RSF1: variants seen among roughly 807,000 people sequenced by gnomAD.
RSF1 encodes the protein remodeling and spacing factor 1.
RSF1 carries 13 observed loss-of-function variants against 145.2 expected under a neutral mutation model. The ratio of observed to expected loss-of-function variants is 0.09; its 90% CI spans 0.06 to 0.14. The LOEUF is 0.14. Ranked by LOEUF, RSF1 falls within the 10% of genes least tolerant of loss-of-function variation. RSF1 has a pLI of 1.00. For missense variants in RSF1, 1,517 were observed against 1,718.2 expected (o/e 0.88, Z 2.07); for synonymous variants, 577 against 592.6 (o/e 0.97, Z 0.38).
intron 1 of RSF1, among the ~76,000 whole-genome samples, chr11:77,817,858 T>C (rs185287862): frequency 1.3e-5 from 2 of 152,302 alleles, no homozygotes; most frequent in East Asian, 1.9e-4. Flanking sequence ...TATCAGCTAT[T>C]TGAAACAGGC....
rs1555004093 is a variant in RSF1 at position 77,820,697 on chromosome 11, T to TGCCGCCGCCGTCGCC, written c.3_17dup (p.Thr3_Ala7dup). 1 of 1,549,920 alleles carries TGCCGCCGCCGTCGCC rather than the reference T, an allele frequency of 6.5e-7. No homozygotes were observed. The highest frequency in any genetic ancestry group is 1.4e-5 in the African/African-American group (1 of 73,032). On this transcript the variant is annotated inframe_insertion, in exon 1 of 16. Coordinates refer to ENST00000308488, the MANE Select transcript of RSF1 (RefSeq NM_016578.4). ...CCGGAGGAGCCATCACCGCCGCCGC[T>TGCCGCCGCCGTCGCC]GCCGCCGCCGTCGCCATTTTGAACT...
Position 77,740,736 on chromosome 11 carries a change from A to T in RSF1, c.573T>A (p.Ile191=). The T allele has an allele frequency of 6.2e-7, 1 of 1,613,028 alleles. No homozygotes were observed. The highest frequency in any genetic ancestry group is 8.5e-7 in the Non-Finnish European group (1 of 1,179,006). Reference sequence around the variant, plus strand: ...AAGGTTCCAATAAAAGATACCTGACAATGCATTTCCATGAAGAGCCATCTT... The same window carrying T: ...AAGGTTCCAATAAAAGATACCTGACTATGCATTTCCATGAAGAGCCATCTT... ...DDQDGSSWKC[I]VRNRNELAET... The change falls in exon 4 of 16, where the codon ATT becomes ATA. Residue 191 remains isoleucine, a synonymous_variant. Transcript: ENST00000308488.
chr11:77,677,025 G>T (rs1410519480), intron 12 of RSF1, 26 bp from the exon 13 acceptor site: 13 of 1,571,408 alleles, frequency 8.3e-6, no homozygotes, highest in Non-Finnish European at 1.1e-5. Flanking sequence ...GGAAGTTCGG[G>T]GAGAGAAAAA....
At position 77,742,101 on chromosome 11, in the gene RSF1, G is replaced by A. The variant is rs558411240; in HGVS notation, c.373-1165C>T. On this transcript the variant is annotated intron_variant, in intron 3 of 15. Coordinates refer to ENST00000308488, the MANE Select transcript of RSF1 (RefSeq NM_016578.4). ...TGGTTATTGTGATTAATGCTGCAGT[G>A]AACACAGGAGTGCAGATACCACTTC... 8.6e-4 allele frequency among the ~76,000 whole-genome samples: 131 copies of A among 151,926 alleles called. 2 individuals are homozygous for A. The highest frequency in any genetic ancestry group is 9.4e-4 in the Non-Finnish European group (64 of 68,020).
the RSF1 span, chr11:77,841,234 C>T: frequency 1.4e-6 from 1 of 702,460 alleles, no homozygotes; most frequent in Non-Finnish European, 2.6e-6. Flanking sequence ...GGTCCCACCT[C>T]TTAATGTTGT....
At chr11:77,730,654 C>T (rs947295069) in intron 4 of RSF1, among the ~76,000 whole-genome samples, 4 of 152,174 alleles carry the variant, frequency 2.6e-5, no homozygotes, top group African/African-American at 9.7e-5. Flanking sequence ...ACAATTCCCA[C>T]GTGTTGTGGG....
intron 3 of RSF1, among the ~76,000 whole-genome samples, chr11:77,745,588 TG>T (rs1947991495): frequency 6.6e-6 from 1 of 151,870 alleles, no homozygotes; most frequent in South Asian, 2.1e-4. Context: ...AGGTTTTAGG[TG>T]AACATTATTC....
chr11:77,839,619 C>G, the RSF1 span, among the ~76,000 whole-genome samples: 1 of 152,192 alleles, frequency 6.6e-6, no homozygotes, highest in East Asian at 1.9e-4. Flanking sequence ...TACCTCTACA[C>G]CATGGTATAC....
chr11:77,764,734 A>T (rs1446248798), intron 1 of RSF1, 45 bp from the exon 2 acceptor site: 1 of 1,117,214 alleles, frequency 9.0e-7, no homozygotes, highest in East Asian at 2.4e-5. Context: ...AAAATAAAAC[A>T]ATTCTAAACA....
chr11:77,859,838 C>T, the RSF1 span, among the ~76,000 whole-genome samples: 8 of 152,166 alleles, frequency 5.3e-5, no homozygotes, highest in Non-Finnish European at 1.2e-4. Flanking sequence ...AGTGCACAGT[C>T]GCAGCACTGG....
chr11:77,679,816 C>A (rs780997756), intron 11 of RSF1, among the ~76,000 whole-genome samples: 26 of 151,952 alleles, frequency 1.7e-4, no homozygotes, highest in Non-Finnish European at 3.2e-4. Flanking sequence ...AGCTGTTTAC[C>A]TTGACTTAAA....
intron 5 of RSF1, among the ~76,000 whole-genome samples, chr11:77,708,594 T>C (rs920000035): frequency 6.6e-6 from 1 of 152,212 alleles, no homozygotes; most frequent in Non-Finnish European, 1.5e-5. Flanking sequence ...AGCTGTAGTA[T>C]TGACAACAGA....
At chr11:77,809,991 G>A (rs905984624) in intron 1 of RSF1, among the ~76,000 whole-genome samples, 4 of 152,186 alleles carry the variant, frequency 2.6e-5, no homozygotes, top group African/African-American at 9.7e-5. Context: ...CATAACACAT[G>A]CCTAAGCTTC....
chr11:77,736,314 T>C (rs2135903540), intron 4 of RSF1, among the ~76,000 whole-genome samples: 1 of 152,366 alleles, frequency 6.6e-6, no homozygotes, highest in South Asian at 2.1e-4. Context: ...CATTTATGTC[T>C]GAGTAAATTT....
chr11:77,772,562 T>C (rs968082822), intron 1 of RSF1, among the ~76,000 whole-genome samples: 2 of 152,066 alleles, frequency 1.3e-5, no homozygotes, highest in African/African-American at 4.8e-5. Context: ...CTAAAAACTA[T>C]GTTATATGTA....
the RSF1 span, among the ~76,000 whole-genome samples, chr11:77,854,012 A>G: frequency 1.5e-4 from 21 of 137,650 alleles, no homozygotes; most frequent in South Asian, 5.0e-3. Context: ...TTTTTTTGAG[A>G]CAGACTCTCG....
At position 77,665,000 on chromosome 11, in the gene RSF1, A is replaced by G. The variant is rs1959325990; in HGVS notation, c.*1917T>C. 1 of 152,186 alleles carries G rather than the reference A, an allele frequency of 6.6e-6. No individual in the cohort carries two copies. Among genetic ancestry groups the G allele is most frequent in the African/African-American group, 2.4e-5 (1 of 41,448 alleles). 9.4% of individuals were successfully genotyped at this position (152,186 alleles called of 1,614,324 possible). On this transcript the variant is annotated 3_prime_UTR_variant, in exon 16 of 16. Transcript: ENST00000308488. ...TTTTATTTTTTATACAGATACATAC[A>G]CATTGCTAGAATCAAAGCAAAAATA...
chr11:77,690,070 A>G (rs1463139078), intron 9 of RSF1, among the ~76,000 whole-genome samples: 4 of 151,844 alleles, frequency 2.6e-5, no homozygotes, highest in South Asian at 2.1e-4. Context: ...GCTGAGGCAA[A>G]AAAATCACTT....
intron 1 of RSF1, among the ~76,000 whole-genome samples, chr11:77,808,527 C>CTTTTTTTTTTTT (rs745630976): frequency 5.0e-5 from 3 of 59,982 alleles, no homozygotes; most frequent in Non-Finnish European, 7.8e-5. Flanking sequence ...AATATTATAC[C>CTTTTTTTTTTTT]TTTTTTTTTT....
Sources: allele counts gnomAD v4.1 joint callset (sites outside exome capture counted in the v4.1 genomes callset), GRCh38; gene constraint gnomAD v4.1.1; transcripts MANE v1.5; gene names NCBI Gene and HGNC (gene_info 2026-07-23, HGNC 2026-07-21).